The following TMEM167B variants were observed in gnomAD, a reference collection of about 807,000 sequenced individuals.
TMEM167B encodes protein kish-B.
A neutral mutation model predicts 9.4 loss-of-function variants in TMEM167B; 2 were observed. That is an observed-to-expected ratio of 0.21 (90% CI 0.09 to 0.67). The LOEUF (loss-of-function observed/expected upper bound fraction) is 0.67, where lower values mean the gene tolerates loss of function less well. TMEM167B is among the 30% of genes least tolerant of loss of function. TMEM167B has a pLI of 0.82. For synonymous variants in TMEM167B, 28 were observed against 32.0 expected (o/e 0.87, Z 0.42); for missense variants, 68 against 87.6 (o/e 0.78, Z 0.89).
intron 2 of TMEM167B, among the ~76,000 whole-genome samples, chr1:109,094,151 G>A (rs375422503): frequency 2.6e-5 from 4 of 152,132 alleles, no homozygotes; most frequent in Non-Finnish European, 5.9e-5. Flanking sequence ...ATGGTGGCAG[G>A]CGCCTGTAAT....
chr1:109,093,509 T>C (rs1406329332), intron 2 of TMEM167B: 1 of 152,580 alleles, frequency 6.6e-6, no homozygotes, highest in Non-Finnish European at 1.5e-5. Context: ...AAAAAAATTA[T>C]TTAAAAACAT....
In TMEM167B at chr1:109,094,519, A is replaced by G. The variant is rs1355736751; in HGVS notation, c.*20A>G. On this transcript the variant is annotated 3_prime_UTR_variant, in exon 3 of 3. Transcript: ENST00000338272. The stretch of plus-strand genomic sequence containing the variant: ...AAATGAATTCCAAAGCACCCAAGTC[A>G]TCAACTGCCAACCAAGGGGACGGGG... 3.1e-6 allele frequency: 5 copies of G among 1,612,364 alleles called. No individual in the cohort carries two copies. The highest frequency in any genetic ancestry group is 4.2e-6 in the Non-Finnish European group (5 of 1,179,138).
rs1484879567 is a variant in TMEM167B, at chr1:109,096,851, C to A, written c.*2352C>A. 1 of 152,218 alleles carries A rather than the reference C, an allele frequency of 6.6e-6. No homozygotes were observed. The highest frequency in any genetic ancestry group is 1.5e-5 in the Non-Finnish European group (1 of 68,038). 9.4% of individuals were successfully genotyped at this position (152,218 alleles called of 1,614,324 possible). ...CCTGTAGGCCAGGGTGGAATGAAGT[C>A]AGCTCCTTTTTATAGTTGAAATACA... On this transcript the variant is annotated 3_prime_UTR_variant, in exon 3 of 3. Transcript: ENST00000338272.
At chr1:109,093,116 T>C in intron 2 of TMEM167B, 95 bp downstream of exon 2, 6 of 1,511,270 alleles carry the variant, frequency 4.0e-6, no homozygotes, top group Admixed American at 4.4e-5. Context: ...TTATATTTGG[T>C]TTCATTTTTA....
chr1:109,094,374 G>A (rs758024414), intron 2 of TMEM167B, 43 bp from the exon 3 acceptor site: 3 of 1,596,726 alleles, frequency 1.9e-6, no homozygotes, highest in Admixed American at 1.7e-5. Flanking sequence ...TGAGGACTTC[G>A]GTGAAGGGCA....
rs1557992620 is a variant in TMEM167B at position 109,090,860 on chromosome 1, AG to A, written c.-10del. The A allele has an allele frequency of 6.3e-7, 1 of 1,589,216 alleles. No homozygotes were observed. Among genetic ancestry groups the A allele is most frequent in the East Asian group, 2.3e-5 (1 of 43,558 alleles). ...GAACCCGGACCCCCTACCCAGGTCC[AG>A]GGCCAGCCGCCATGACGAACGGTGA... On this transcript the variant is annotated 5_prime_UTR_variant, in exon 1 of 3. Coordinates refer to ENST00000338272, the MANE Select transcript of TMEM167B (RefSeq NM_020141.4).
intron 1 of TMEM167B, among the ~76,000 whole-genome samples, chr1:109,091,238 C>A (rs1426110715): frequency 1.3e-5 from 2 of 152,338 alleles, no homozygotes; most frequent in Non-Finnish European, 2.9e-5. Flanking sequence ...TCCCTGCGTT[C>A]TCATGCTTTC....
In TMEM167B at chr1:109,090,813, C is replaced by G. The variant is rs976275855; in HGVS notation, c.-60C>G. 20 of 1,560,242 alleles carry G rather than the reference C, an allele frequency of 1.3e-5. No individual in the cohort carries two copies. The highest frequency in any genetic ancestry group is 1.9e-5 in the Admixed American group (1 of 52,670). On this transcript the variant is annotated 5_prime_UTR_variant, in exon 1 of 3. Coordinates refer to ENST00000338272, the MANE Select transcript of TMEM167B (RefSeq NM_020141.4). ...GGGAAGTGTCAAGCGGGCGCTCCCCCATCTCCGCCGCTATTACCACTGAAC... is the reference window on the plus strand; with the variant it reads ...GGGAAGTGTCAAGCGGGCGCTCCCCGATCTCCGCCGCTATTACCACTGAAC...
At chr1:109,091,340 G>A (rs1438555667) in intron 1 of TMEM167B, among the ~76,000 whole-genome samples, 1 of 152,142 alleles carries the variant, frequency 6.6e-6, no homozygotes, top group East Asian at 1.9e-4. Context: ...CCCCACAAAA[G>A]CTTCTTCTTA....
At position 109,094,900 on chromosome 1, in the gene TMEM167B, A is replaced by C. The variant is rs1481734854; in HGVS notation, c.*401A>C. The C allele has an allele frequency of 1.3e-5, 2 of 159,082 alleles. No individual in the cohort carries two copies. Among genetic ancestry groups the C allele is most frequent in the Non-Finnish European group, 2.7e-5 (2 of 72,804 alleles). 9.9% of individuals were successfully genotyped at this position (159,082 alleles called of 1,614,324 possible). A position where few individuals can be genotyped will look rare whatever the true frequency, so the allele number is the denominator to read the frequency against. The stretch of plus-strand genomic sequence containing the variant: ...GGCTGTGTTCAGACTTCTTTTGAAG[A>C]GAGAGAATTTTCAAGACTTCTTTTC... On this transcript the variant is annotated 3_prime_UTR_variant, in exon 3 of 3. Coordinates refer to ENST00000338272, the MANE Select transcript of TMEM167B (RefSeq NM_020141.4).
chr1:109,094,531 C>A lies in TMEM167B; in HGVS notation c.*32C>A. Reference sequence around the variant, plus strand: ...AAGCACCCAAGTCATCAACTGCCAACCAAGGGGACGGGGATGAAGAACCTG... The same window carrying A: ...AAGCACCCAAGTCATCAACTGCCAAACAAGGGGACGGGGATGAAGAACCTG... On this transcript the variant is annotated 3_prime_UTR_variant, in exon 3 of 3. Transcript: ENST00000338272. The A allele has an allele frequency of 5.0e-6, 8 of 1,606,494 alleles. No homozygotes were observed. The highest frequency in any genetic ancestry group is 6.8e-6 in the Non-Finnish European group (8 of 1,174,078).
Position 109,090,774 on chromosome 1 carries a change from C to T in TMEM167B, c.-99C>T. ...TGCGTACTACGGCTTCTTCCAGTCA[C>T]CTCGGCCCGGATCGGGAAGTGTCAA... On this transcript the variant is annotated 5_prime_UTR_variant, in exon 1 of 3. Transcript: ENST00000338272. 2 of 1,469,364 alleles carry T rather than the reference C, an allele frequency of 1.4e-6. No individual in the cohort carries two copies. The highest frequency in any genetic ancestry group is 1.2e-5 in the South Asian group (1 of 82,324). 91.0% of individuals were successfully genotyped at this position (1,469,364 alleles called of 1,614,324 possible).
intron 1 of TMEM167B, chr1:109,091,825 A>C (rs1316976542): frequency 6.6e-6 from 1 of 152,226 alleles, no homozygotes; most frequent in African/African-American, 2.4e-5. Flanking sequence ...GCTGTGAGAC[A>C]GTTTTACTGG....
Position 109,094,613 on chromosome 1 carries a change from G to A in TMEM167B, c.*114G>A. ...AGCTGAAATCATCGGTCCCCAGGAT[G>A]ACACCACAGCATCTGCCCCTGCTAT... On this transcript the variant is annotated 3_prime_UTR_variant, in exon 3 of 3. Transcript: ENST00000338272. 1 of 942,394 alleles carries A rather than the reference G, an allele frequency of 1.1e-6. No homozygotes were observed. The highest frequency in any genetic ancestry group is 1.7e-6 in the Non-Finnish European group (1 of 592,810). 58.4% of individuals were successfully genotyped at this position (942,394 alleles called of 1,614,324 possible).
At chr1:109,092,448 G>A (rs1347932822) in intron 1 of TMEM167B, among the ~76,000 whole-genome samples, 5 of 152,084 alleles carry the variant, frequency 3.3e-5, no homozygotes, top group Non-Finnish European at 5.9e-5. Flanking sequence ...GAGTCTCTAA[G>A]GATTCATATG....
rs1197651437 is a variant in TMEM167B at position 109,096,828 on chromosome 1, T to G, written c.*2329T>G. 2 of 152,240 alleles carry G rather than the reference T, an allele frequency of 1.3e-5. No individual in the cohort carries two copies. Among genetic ancestry groups the G allele is most frequent in the African/African-American group, 4.8e-5 (2 of 41,466 alleles). 9.4% of individuals were successfully genotyped at this position (152,240 alleles called of 1,614,324 possible). ...TTCAAACTGGCATCACCATAAACCC[T>G]GTAGGCCAGGGTGGAATGAAGTCAG... On this transcript the variant is annotated 3_prime_UTR_variant, in exon 3 of 3. Transcript: ENST00000338272.
Position 109,090,891 on chromosome 1 carries a change from T to A in TMEM167B, c.10+9T>A, listed in dbSNP as rs982185014. ...AGCCGCCATGACGAACGGTGAGAACTGATGCCCTGAGCGGAGGGTGGGAGT... is the reference window on the plus strand; with the variant it reads ...AGCCGCCATGACGAACGGTGAGAACAGATGCCCTGAGCGGAGGGTGGGAGT... On this transcript the variant is annotated intron_variant, in intron 1 of 2. Coordinates refer to ENST00000338272, the MANE Select transcript of TMEM167B (RefSeq NM_020141.4). 2 of 1,591,776 alleles carry A rather than the reference T, an allele frequency of 1.3e-6. No homozygotes were observed. The highest frequency in any genetic ancestry group is 3.5e-5 in the Admixed American group (2 of 57,714).
chr1:109,091,016 A>G (rs1664436557), intron 1 of TMEM167B, 134 bp downstream of exon 1: 2 of 1,051,130 alleles, frequency 1.9e-6, no homozygotes, highest in African/African-American at 1.8e-5. Flanking sequence ...CGACGCCCCT[A>G]ACTTCTGTAC....
rs1355256406 is a variant in TMEM167B, at chr1:109,095,086, A to C, written c.*587A>C. 6.6e-6 allele frequency: 1 copy of C among 152,350 alleles called. No individual in the cohort carries two copies. Among genetic ancestry groups the C allele is most frequent in the East Asian group, 1.9e-4 (1 of 5,202 alleles). 9.4% of individuals were successfully genotyped at this position (152,350 alleles called of 1,614,324 possible). A position where few individuals can be genotyped will look rare whatever the true frequency, so the allele number is the denominator to read the frequency against. The stretch of plus-strand genomic sequence containing the variant: ...CTCATTGCAAAAAGAGAACAGATGA[A>C]GTAGCTGTGTTATGTGCTGGTATCT... On this transcript the variant is annotated 3_prime_UTR_variant, in exon 3 of 3. Coordinates refer to ENST00000338272, the MANE Select transcript of TMEM167B (RefSeq NM_020141.4).
Sources: gnomAD v4.1 joint callset for allele counts (sites outside exome capture counted in the v4.1 genomes callset) on GRCh38, gnomAD v4.1.1 for gene constraint, MANE v1.5 for transcripts, NCBI Gene and HGNC (gene_info 2026-07-23, HGNC 2026-07-21) for gene names.